The following TFPI variants were observed in gnomAD, a reference collection of about 807,000 sequenced individuals.
The protein encoded by TFPI is anti-convertin.
Under a neutral mutation model 34.6 loss-of-function variants are expected in TFPI, and 15 were observed. The ratio of observed to expected loss-of-function variants is 0.43; its 90% CI spans 0.29 to 0.67. The LOEUF is 0.67. Among genes scored for constraint, TFPI ranks in the 30% least tolerant of loss-of-function variants. The probability of loss-of-function intolerance (pLI) is 0.15; values close to 1 mark genes in which losing one functional copy is unlikely to be tolerated. For missense variants in TFPI, 301 were observed against 364.0 expected (o/e 0.83, Z 1.41); for synonymous variants, 105 against 120.1 (o/e 0.87, Z 0.82).
At chr2:187,492,106 C>T (rs1685162432) in intron 3 of TFPI, among the ~76,000 whole-genome samples, 1 of 152,022 alleles carries the variant, frequency 6.6e-6, no homozygotes, top group Non-Finnish European at 1.5e-5. Flanking sequence ...AGTCTTTTGT[C>T]CAATACACAG....
chr2:187,513,610 G>C (rs1686795974), intron 1 of TFPI: 1 of 152,620 alleles, frequency 6.6e-6, no homozygotes, highest in African/African-American at 2.4e-5. Context: ...CTGTGAAGGA[G>C]CTTACCTTGT....
intron 6 of TFPI, 102 bp from the exon 7 acceptor site, chr2:187,468,034 A>G: frequency 1.0e-6 from 1 of 994,816 alleles, no homozygotes. Context: ...ATGTGTATGT[A>G]AAACAGTAAT....
intron 4 of TFPI, among the ~76,000 whole-genome samples, chr2:187,485,936 C>T (rs1180493257): frequency 4.0e-5 from 6 of 151,548 alleles, no homozygotes; most frequent in Admixed American, 1.3e-4. Flanking sequence ...TCTTCTATGT[C>T]AGGGAAGCAA....
intron 1 of TFPI, among the ~76,000 whole-genome samples, chr2:187,526,627 T>A (rs1406094357): frequency 6.6e-6 from 1 of 152,176 alleles, no homozygotes; most frequent in Non-Finnish European, 1.5e-5. Context: ...TATTTTATCA[T>A]CTTTAAGTGA....
At position 187,485,578 on chromosome 2, in the gene TFPI, CTTGT is replaced by C. The variant is rs568493919; in HGVS notation, c.359-595_359-592del. On this transcript the variant is annotated intron_variant, in intron 4 of 7. Transcript: ENST00000233156. ...GTGTCATTTTTATTTTTTCCTTCTT[CTTGT>C]CATTGGAATGACTTCAATAATGCAG... is the stretch of plus-strand genomic sequence containing the variant. Among the ~76,000 whole-genome samples, 3 of 151,746 alleles carry C rather than the reference CTTGT, an allele frequency of 2.0e-5. No homozygotes were observed. The South Asian group carries it at 6.2e-4, about 31-fold the overall frequency.
At chr2:187,544,805 CTGA>C (rs1374942085) in intron 1 of TFPI, among the ~76,000 whole-genome samples, 2 of 152,172 alleles carry the variant, frequency 1.3e-5, no homozygotes, top group Non-Finnish European at 2.9e-5. Context: ...GAAAATCTCA[CTGA>C]TAAGAAAAAA....
intron 1 of TFPI, among the ~76,000 whole-genome samples, chr2:187,511,426 T>G (rs906673659): frequency 1.3e-5 from 2 of 152,212 alleles, no homozygotes; most frequent in Non-Finnish European, 2.9e-5. Context: ...AGTGTCTGTG[T>G]GCCCTTTTTA....
At chr2:187,537,647 C>A (rs1688334586) in intron 1 of TFPI, among the ~76,000 whole-genome samples, 2 of 152,296 alleles carry the variant, frequency 1.3e-5, no homozygotes, top group South Asian at 4.2e-4. Flanking sequence ...AGAATAAAAC[C>A]TAGGCAATAC....
intron 1 of TFPI, among the ~76,000 whole-genome samples, chr2:187,540,003 G>A (rs1292948239): frequency 6.6e-6 from 1 of 150,978 alleles, no homozygotes; most frequent in Non-Finnish European, 1.5e-5. Context: ...GGTTCAAGCA[G>A]TTCTCCTGCC....
chr2:187,553,563 T>C (rs2067770), intron 1 of TFPI, among the ~76,000 whole-genome samples: 133,664 of 152,186 alleles, frequency 0.88, 58,964 homozygotes, highest in Middle Eastern at 0.96. Context: ...CATGTAGGCA[T>C]GTTATCTATT....
intron 1 of TFPI, among the ~76,000 whole-genome samples, chr2:187,507,921 T>C (rs1686340376): frequency 1.3e-5 from 2 of 152,330 alleles, no homozygotes; most frequent in South Asian, 4.1e-4. Context: ...CTGGGTTTTC[T>C]TCTAGGGTTT....
intron 6 of TFPI, among the ~76,000 whole-genome samples, chr2:187,483,772 T>G (rs1034968775): frequency 1.3e-5 from 2 of 151,988 alleles, no homozygotes; most frequent in Non-Finnish European, 2.9e-5. Context: ...CTGCGTTTGA[T>G]GCACTGCTGT....
intron 1 of TFPI, among the ~76,000 whole-genome samples, chr2:187,550,096 C>T (rs1174296628): frequency 2.0e-5 from 3 of 152,020 alleles, no homozygotes; most frequent in Non-Finnish European, 4.4e-5. Context: ...CAGACAGTCT[C>T]AGGAGGTAGT....
chr2:187,484,951 C>G lies in TFPI; in HGVS notation c.395G>C (p.Gly132Ala). The change falls in exon 5 of 8, where the codon GGA (glycine) becomes GCA (alanine). Residue 132 changes from glycine to alanine, a missense_variant. Gly to Ala is a moderately conservative substitution (Grantham distance 60). Transcript: ENST00000233156. ...CCTGGTAATATAACCTCGACATATT[C>G]CAGGATCTTCTTCCAAAAAGCAGAA... ...PDFCFLEEDPGICRGYITRYF... is the reference protein window; with the variant it reads ...PDFCFLEEDPAICRGYITRYF... 2 of 1,516,978 alleles carry G rather than the reference C, an allele frequency of 1.3e-6. No homozygotes were observed. Among genetic ancestry groups the G allele is most frequent in the African/African-American group, 2.8e-5 (2 of 70,420 alleles). 94.0% of individuals were successfully genotyped at this position (1,516,978 alleles called of 1,614,324 possible). A position where few individuals can be genotyped will look rare whatever the true frequency, so the allele number is the denominator to read the frequency against.
chr2:187,489,029 G>A (rs8176607), intron 3 of TFPI, among the ~76,000 whole-genome samples: 208 of 151,584 alleles, frequency 1.4e-3, no homozygotes, highest in Non-Finnish European at 2.2e-3. Context: ...AATTTAAATT[G>A]ACAAAATAAA....
intron 6 of TFPI, among the ~76,000 whole-genome samples, chr2:187,479,092 G>T (rs765305163): frequency 6.6e-6 from 1 of 152,058 alleles, no homozygotes; most frequent in Non-Finnish European, 1.5e-5. Flanking sequence ...TCAATTTTAG[G>T]TGGGGAAAAT....
intron 3 of TFPI, among the ~76,000 whole-genome samples, chr2:187,490,157 G>T (rs533246374): frequency 1.3e-5 from 2 of 151,558 alleles, no homozygotes; most frequent in Admixed American, 1.3e-4. Flanking sequence ...ATTTATTTTT[G>T]CTTCTAAATC....
intron 3 of TFPI, among the ~76,000 whole-genome samples, chr2:187,489,368 C>G (rs1372601919): frequency 7.0e-6 from 1 of 143,742 alleles, no homozygotes; most frequent in Admixed American, 6.9e-5. Flanking sequence ...TATTCAATAG[C>G]CTTTTAAAAA....
At chr2:187,479,944 G>C (rs569359620) in intron 6 of TFPI, among the ~76,000 whole-genome samples, 1 of 151,856 alleles carries the variant, frequency 6.6e-6, no homozygotes, top group Non-Finnish European at 1.5e-5. Flanking sequence ...AACAGTAGAA[G>C]AACTCAAAAA....
Sources: gnomAD v4.1 joint callset for allele counts (sites outside exome capture counted in the v4.1 genomes callset) on GRCh38, gnomAD v4.1.1 for gene constraint, MANE v1.5 for transcripts, NCBI Gene and HGNC (gene_info 2026-07-23, HGNC 2026-07-21) for gene names.